Variants in WIPI2 observed in about 807,000 individuals in gnomAD.
WIPI2 encodes the protein WD repeat domain phosphoinositide-interacting protein 2.
A neutral mutation model predicts 52.3 loss-of-function variants in WIPI2; 28 were observed. That is an observed-to-expected ratio of 0.54 (90% CI 0.40 to 0.73). The LOEUF is 0.73. Ranked by LOEUF, WIPI2 falls within the 30% of genes least tolerant of loss-of-function variation. The pLI, the probability that WIPI2 is intolerant of heterozygous loss-of-function variation, is 0.00. For missense variants in WIPI2, 506 were observed against 602.9 expected (o/e 0.84, Z 1.68); for synonymous variants, 268 against 245.0 (o/e 1.09, Z -0.88).
At chr7:5,228,989 G>A (rs78710440) in intron 11 of WIPI2, among the ~76,000 whole-genome samples, 1 of 152,092 alleles carries the variant, frequency 6.6e-6, no homozygotes, top group Non-Finnish European at 1.5e-5. Context: ...AAGTGTTGGG[G>A]TAACAGGAGT....
chr7:5,217,136 C>T lies in WIPI2; in HGVS notation c.525C>T (p.Tyr175=), dbSNP rs1782855049. 4 of 1,613,940 alleles carry T rather than the reference C, an allele frequency of 2.5e-6. No individual in the cohort carries two copies. The African/African-American group carries it at 5.3e-5, about 22-fold the overall frequency. ...ACAACGACAACTGCTACTTGGCGTA[C>T]CCAGGGAGCGCGACCATCGGAGAGG... ...SINNDNCYLA[Y]PGSATIGEVQ... The change falls in exon 6 of 13, where the codon TAC becomes TAT. Residue 175 remains tyrosine, a synonymous_variant. Transcript: ENST00000288828.
chr7:5,222,195 C>T (rs560775792), intron 7 of WIPI2, among the ~76,000 whole-genome samples: 17 of 152,284 alleles, frequency 1.1e-4, no homozygotes, highest in East Asian at 3.9e-4. Context: ...ATGATCTGCC[C>T]GCCTCGGCCT....
intron 8 of WIPI2, 130 bp from the exon 9 acceptor site, chr7:5,225,693 C>T: frequency 3.2e-6 from 2 of 617,834 alleles, no homozygotes; most frequent in African/African-American, 1.8e-5. Context: ...GAGAAGGTGG[C>T]TAGAGGGGAA....
Position 5,228,028 on chromosome 7 carries a change from A to G in WIPI2, c.1014-76A>G, listed in dbSNP as rs117870057. 3.4e-3 allele frequency: 4,932 copies of G among 1,458,812 alleles called. 117 individuals carry two copies. In the South Asian group the frequency reaches 0.041, roughly 12 times the overall value. 90.4% of individuals were successfully genotyped at this position (1,458,812 alleles called of 1,614,324 possible). ...GCTGGGGTCTCTTTCCTCGCCTGCC[A>G]AAAGTGAGGCCGCCATGTAGTAAGA... On this transcript the variant is annotated intron_variant, in intron 10 of 12. Coordinates refer to ENST00000288828, the MANE Select transcript of WIPI2 (RefSeq NM_015610.4).
At chr7:5,205,258 G>A (rs1453122954) in intron 3 of WIPI2, among the ~76,000 whole-genome samples, 4 of 152,166 alleles carry the variant, frequency 2.6e-5, no homozygotes, top group South Asian at 2.1e-4. Context: ...TTACAGGCGC[G>A]AGCCACTGCA....
At chr7:5,225,322 G>A (rs149829957) in intron 8 of WIPI2, among the ~76,000 whole-genome samples, 95 of 152,142 alleles carry the variant, frequency 6.2e-4, no homozygotes, top group African/African-American at 2.2e-3. Flanking sequence ...TGTAATTTTA[G>A]TAGAGACGGG....
intron 7 of WIPI2, chr7:5,218,227 T>A (rs1782922071): frequency 3.8e-6 from 2 of 520,004 alleles, no homozygotes; most frequent in East Asian, 6.5e-5. Flanking sequence ...CTGGTCCACA[T>A]TTGTAGTAGA....
At position 5,214,527 on chromosome 7, in the gene WIPI2, G is replaced by A. The variant is rs753728316; in HGVS notation, c.212-8G>A. On this transcript the variant is annotated splice_polypyrimidine_tract_variant and splice_region_variant and intron_variant, in intron 3 of 12. Transcript: ENST00000288828. ...TGTTCACGCATGTACTTCCCTTTGT[G>A]ATTTCAGCCGATACGGAAGATGTGT... 2.2e-5 allele frequency: 35 copies of A among 1,614,110 alleles called. No individual in the cohort carries two copies. The highest frequency in any genetic ancestry group is 3.0e-5 in the Non-Finnish European group (35 of 1,180,054).
At chr7:5,215,460 G>T (rs1487032089) in intron 4 of WIPI2, among the ~76,000 whole-genome samples, 2 of 152,266 alleles carry the variant, frequency 1.3e-5, no homozygotes, top group East Asian at 3.8e-4. Flanking sequence ...ATGTGTGCGT[G>T]TTTCACGCAC....
chr7:5,192,623 C>A (rs1447013416), intron 1 of WIPI2, among the ~76,000 whole-genome samples: 1 of 152,126 alleles, frequency 6.6e-6, no homozygotes, highest in Non-Finnish European at 1.5e-5. Flanking sequence ...CTTTGACTTG[C>A]CAGAGAGACC....
At chr7:5,222,731 T>C in intron 8 of WIPI2, 59 bp downstream of exon 8, 1 of 1,509,066 alleles carries the variant, frequency 6.6e-7, no homozygotes, top group Non-Finnish European at 9.2e-7. Flanking sequence ...TTCAGTTTTA[T>C]GTTATCTATG....
intron 3 of WIPI2, 138 bp downstream of exon 3, chr7:5,199,796 T>A: frequency 1.2e-6 from 1 of 862,474 alleles, no homozygotes; most frequent in Non-Finnish European, 1.7e-6. Context: ...CACCTTCATC[T>A]CCCCAAGAGG....
At position 5,233,645 on chromosome 7, in the gene WIPI2, C is replaced by T. The variant is rs922506631; in HGVS notation, c.*2698C>T. 1.3e-5 allele frequency: 2 copies of T among 152,586 alleles called. No individual in the cohort carries two copies. The highest frequency in any genetic ancestry group is 2.1e-4 in the South Asian group (1 of 4,834). The allele number at this position is 152,586 out of a possible 1,614,324, so 9.5% of individuals were successfully genotyped here. On this transcript the variant is annotated 3_prime_UTR_variant, in exon 13 of 13. Coordinates refer to ENST00000288828, the MANE Select transcript of WIPI2 (RefSeq NM_015610.4). ...AACTGCTTCAGTCCCCGCTGTACCG[C>T]CTGCCTAGCTGTGGGAGCAGGCAGG...
intron 2 of WIPI2, among the ~76,000 whole-genome samples, chr7:5,193,868 T>C (rs949576246): frequency 2.6e-5 from 4 of 152,224 alleles, no homozygotes; most frequent in African/African-American, 9.6e-5. Flanking sequence ...TGAGCCGTTG[T>C]GCCCGGCCTG....
At chr7:5,207,231 C>T (rs1055531478) in intron 3 of WIPI2, among the ~76,000 whole-genome samples, 2 of 152,184 alleles carry the variant, frequency 1.3e-5, no homozygotes, top group African/African-American at 4.8e-5. Flanking sequence ...TGAGTTTTAA[C>T]AAATGCCTGC....
At chr7:5,216,395 G>A (rs1435977770) in intron 4 of WIPI2, 168 bp from the exon 5 acceptor site, 3 of 541,610 alleles carry the variant, frequency 5.5e-6, no homozygotes, top group Non-Finnish European at 1.0e-5. Context: ...TCACACCACT[G>A]CACTCCAGCC....
In WIPI2 at chr7:5,192,383, CTT is replaced by C. The variant is rs1294782119; in HGVS notation, c.75-733_75-732del. 3.3e-5 allele frequency among the ~76,000 whole-genome samples: 5 copies of C among 152,174 alleles called. No homozygotes were observed. In the South Asian group the frequency reaches 8.3e-4, roughly 25 times the overall value. On this transcript the variant is annotated intron_variant, in intron 1 of 12. Coordinates refer to ENST00000288828, the MANE Select transcript of WIPI2 (RefSeq NM_015610.4). ...AGTTTCCAAAACATTGTCGGCCACT[CTT>C]TCAGTTTTTCACTAATTATTTCTAT... is the stretch of plus-strand genomic sequence containing the variant.
chr7:5,230,022 C>T lies in WIPI2; in HGVS notation c.1252+284C>T, dbSNP rs1282272348. ...TCCTGGGCTCAAGTGATTCTCCCGCCTCAGCCTCCCACAGTGCTGGGATTA... is the reference window on the plus strand; with the variant it reads ...TCCTGGGCTCAAGTGATTCTCCCGCTTCAGCCTCCCACAGTGCTGGGATTA... On this transcript the variant is annotated intron_variant, in intron 12 of 12. Coordinates refer to ENST00000288828, the MANE Select transcript of WIPI2 (RefSeq NM_015610.4). The surrounding 1 kb of genome is among the most constrained non-coding windows in gnomAD (Gnocchi z 4.8). 6.6e-6 allele frequency among the ~76,000 whole-genome samples: 1 copy of T among 151,584 alleles called. No homozygotes were observed.
At chr7:5,228,240 C>T (rs1345561561) in intron 11 of WIPI2, 29 bp downstream of exon 11, 1 of 1,579,102 alleles carries the variant, frequency 6.3e-7, no homozygotes, top group African/African-American at 1.4e-5. Flanking sequence ...CTTCACGGAG[C>T]TGCTCCGTGC....
Sources: allele counts gnomAD v4.1 joint callset (sites outside exome capture counted in the v4.1 genomes callset), GRCh38; gene constraint gnomAD v4.1.1; non-coding constraint Gnocchi (gnomAD v3.1); transcripts MANE v1.5; gene names NCBI Gene and HGNC (gene_info 2026-07-23, HGNC 2026-07-21).